The following PRDM5 variants were observed in gnomAD, a reference collection of about 807,000 sequenced individuals.
PRDM5 encodes PR/SET domain 5, also known as PR domain zinc finger protein 5.
In PRDM5, 56 loss-of-function variants were observed where a neutral mutation model predicts 81.2. That is an observed-to-expected ratio of 0.69 (90% CI 0.56 to 0.86). The LOEUF (loss-of-function observed/expected upper bound fraction) is 0.86. PRDM5 is among the 40% of genes least tolerant of loss of function. The probability of loss-of-function intolerance (pLI) is 0.00; values close to 1 mark genes in which losing one functional copy is unlikely to be tolerated. For synonymous variants in PRDM5, 267 were observed against 256.4 expected (o/e 1.04, Z -0.39); for missense variants, 697 against 770.1 (o/e 0.91, Z 1.12).
intron 7 of PRDM5, chr4:120,812,878 C>A: frequency 1.4e-5 from 3 of 211,336 alleles, no homozygotes; most frequent in South Asian, 5.5e-5. Context: ...TTAAAATTAA[C>A]CAAATGTGTT....
intron 3 of PRDM5, among the ~76,000 whole-genome samples, chr4:120,832,572 C>T (rs1485745518): frequency 1.3e-5 from 2 of 152,146 alleles, no homozygotes; most frequent in Non-Finnish European, 2.9e-5. Flanking sequence ...AGCTTGTGAG[C>T]CCCCTGAGGG....
chr4:120,798,964 G>A (rs6855578), intron 9 of PRDM5, among the ~76,000 whole-genome samples: 13,514 of 152,118 alleles, frequency 0.089, 917 homozygotes, highest in Middle Eastern at 0.17. Context: ...AAAGATAACA[G>A]GTTTTGATCT....
chr4:120,812,002 AT>A (rs1753907925), intron 7 of PRDM5, among the ~76,000 whole-genome samples: 1 of 152,040 alleles, frequency 6.6e-6, no homozygotes, highest in African/African-American at 2.4e-5. Context: ...CCTATTAACT[AT>A]CCCATTTTAT....
chr4:120,888,028 G>A lies in PRDM5; in HGVS notation c.177+19446C>T, dbSNP rs1336648432. Among the ~76,000 whole-genome samples the A allele has an allele frequency of 3.6e-5, 2 of 55,974 alleles. 1 individual carries two copies. Among genetic ancestry groups the A allele is most frequent in the Non-Finnish European group, 6.3e-5 (2 of 31,868 alleles). 36.7% of individuals were successfully genotyped at this position (55,974 alleles called of 152,430 possible). On this transcript the variant is annotated intron_variant, in intron 2 of 15. Coordinates refer to ENST00000264808, the MANE Select transcript of PRDM5 (RefSeq NM_018699.4). Reference sequence around the variant, plus strand: ...GGGATGGTCTCGATCTCCTGACCTCGTGATCCGCCCGCCTCGGCCTCCCAA... The same window carrying A: ...GGGATGGTCTCGATCTCCTGACCTCATGATCCGCCCGCCTCGGCCTCCCAA...
At chr4:120,883,266 T>A (rs1209239897) in intron 2 of PRDM5, among the ~76,000 whole-genome samples, 1 of 152,186 alleles carries the variant, frequency 6.6e-6, no homozygotes, top group Non-Finnish European at 1.5e-5. Context: ...ATCTCCACAT[T>A]GCACTTTCTT....
chr4:120,844,970 T>G (rs1484858970), intron 3 of PRDM5, among the ~76,000 whole-genome samples: 2 of 152,186 alleles, frequency 1.3e-5, no homozygotes, highest in East Asian at 3.8e-4. Context: ...GGATAGAAGA[T>G]CAAACCAGCC....
chr4:120,906,111 A>G (rs1304718864), intron 2 of PRDM5, among the ~76,000 whole-genome samples: 1 of 152,104 alleles, frequency 6.6e-6, no homozygotes, highest in Non-Finnish European at 1.5e-5. Flanking sequence ...AGCTGGGACT[A>G]CAGGCACGTA....
At chr4:120,799,529 A>G (rs560163043) in intron 9 of PRDM5, 132 bp downstream of exon 9, 1 of 1,372,572 alleles carries the variant, frequency 7.3e-7, no homozygotes, top group African/African-American at 1.5e-5. Flanking sequence ...GTTCAGAATC[A>G]CATGACTACT....
At chr4:120,797,731 A>G (rs959003839) in intron 10 of PRDM5, among the ~76,000 whole-genome samples, 1 of 152,190 alleles carries the variant, frequency 6.6e-6, no homozygotes, top group Non-Finnish European at 1.5e-5. Flanking sequence ...ACTTGGGATT[A>G]AAGAAAATAA....
At chr4:120,804,477 G>C (rs963694940) in intron 8 of PRDM5, among the ~76,000 whole-genome samples, 3 of 152,158 alleles carry the variant, frequency 2.0e-5, no homozygotes, top group Non-Finnish European at 2.9e-5. Flanking sequence ...AAATGTAAAA[G>C]AACAGAAATT....
At chr4:120,829,605 G>T (rs546623403) in intron 3 of PRDM5, among the ~76,000 whole-genome samples, 3 of 152,040 alleles carry the variant, frequency 2.0e-5, no homozygotes, top group Admixed American at 2.0e-4. Flanking sequence ...GGGTAATTTG[G>T]TATTTCAGCT....
chr4:120,836,785 C>T (rs973900655), intron 3 of PRDM5, among the ~76,000 whole-genome samples: 16 of 152,062 alleles, frequency 1.1e-4, no homozygotes, highest in Non-Finnish European at 2.1e-4. Context: ...GCTCTATATA[C>T]TTGGGTTCAG....
At chr4:120,728,683 A>G (rs1739802143) in intron 14 of PRDM5, among the ~76,000 whole-genome samples, 2 of 152,086 alleles carry the variant, frequency 1.3e-5, no homozygotes, top group African/African-American at 4.8e-5. Flanking sequence ...CCTGCCCCTT[A>G]CATACGTCGC....
At chr4:120,810,325 G>T (rs13110308) in intron 8 of PRDM5, 10 of 151,794 alleles carry the variant, frequency 6.6e-5, no homozygotes, top group Admixed American at 6.6e-5. Context: ...TAATTGTTTT[G>T]TCTCTGCAGA....
At chr4:120,748,070 A>T (rs531952932) in intron 14 of PRDM5, among the ~76,000 whole-genome samples, 22 of 152,230 alleles carry the variant, frequency 1.4e-4, no homozygotes, top group Non-Finnish European at 2.8e-4. Context: ...TTTTGGCTCA[A>T]TGTGTCTAAT....
At chr4:120,724,540 A>G (rs1739112438) in intron 14 of PRDM5, among the ~76,000 whole-genome samples, 2 of 152,224 alleles carry the variant, frequency 1.3e-5, no homozygotes, top group Admixed American at 1.3e-4. Context: ...GCCAGTCCAC[A>G]TAGAACTGAA....
At chr4:120,885,220 C>G (rs1463361840) in intron 2 of PRDM5, among the ~76,000 whole-genome samples, 1 of 150,562 alleles carries the variant, frequency 6.6e-6, no homozygotes, top group Non-Finnish European at 1.5e-5. Context: ...AGGAGATCTA[C>G]TAGGAGAAGA....
chr4:120,812,691 G>T, intron 7 of PRDM5: 1 of 313,200 alleles, frequency 3.2e-6, no homozygotes, highest in Non-Finnish European at 6.0e-6. Context: ...CAGATGGGTA[G>T]TTTGCAAATA....
intron 13 of PRDM5, among the ~76,000 whole-genome samples, chr4:120,775,290 A>T (rs919381252): frequency 6.6e-6 from 1 of 152,136 alleles, no homozygotes; most frequent in Non-Finnish European, 1.5e-5. Context: ...TATCAGAGAG[A>T]ATTCTTGGAA....
Sources: gnomAD v4.1 joint callset for allele counts (sites outside exome capture counted in the v4.1 genomes callset) on GRCh38, gnomAD v4.1.1 for gene constraint, MANE v1.5 for transcripts, NCBI Gene and HGNC (gene_info 2026-07-23, HGNC 2026-07-21) for gene names.